DIP2C: variants seen among roughly 807,000 people sequenced by gnomAD.
DIP2C encodes the protein disco-interacting protein 2 homolog C.
In DIP2C, 33 loss-of-function variants were observed where a neutral mutation model predicts 192.4. That is an observed-to-expected ratio of 0.17 (90% CI 0.13 to 0.23). The LOEUF is 0.23. Ranked by LOEUF, DIP2C falls within the 10% of genes least tolerant of loss-of-function variation. DIP2C has a pLI of 1.00. For missense variants in DIP2C, 1,537 were observed against 2,110.1 expected, an observed-to-expected ratio of 0.73 and a Z score of 5.32; for synonymous variants, 979 against 864.1, an observed-to-expected ratio of 1.13 and a Z score of -2.33.
chr10:664,403 T>C (rs974183728), intron 1 of DIP2C: 3 of 152,232 alleles, frequency 2.0e-5, no homozygotes, highest in Non-Finnish European at 4.4e-5. Context: ...TGTTCTGTTA[T>C]CAGCAGTCCT....
intron 2 of DIP2C, among the ~76,000 whole-genome samples, chr10:475,178 G>A (rs991309313): frequency 1.3e-5 from 2 of 152,170 alleles, no homozygotes; most frequent in Non-Finnish European, 2.9e-5. Context: ...GGGAGGAGGA[G>A]GAAAAGCGGC....
intron 32 of DIP2C, among the ~76,000 whole-genome samples, chr10:308,019 AT>A (rs1448687426): frequency 8.2e-5 from 11 of 133,970 alleles, no homozygotes; most frequent in Middle Eastern, 5.2e-3. Flanking sequence ...CACATGGTCC[AT>A]CTGGAGGGCA....
chr10:597,107 A>AG (rs1332847783), intron 1 of DIP2C, among the ~76,000 whole-genome samples: 1 of 152,188 alleles, frequency 6.6e-6, no homozygotes, highest in African/African-American at 2.4e-5. Context: ...CCAGGGCTCC[A>AG]GGGCTCGAGT....
chr10:409,625 G>A (rs1024193303), intron 8 of DIP2C, among the ~76,000 whole-genome samples: 1 of 152,240 alleles, frequency 6.6e-6, no homozygotes, highest in South Asian at 2.1e-4. Context: ...CCGCAACGGT[G>A]TCACTGCCAC....
intron 1 of DIP2C, among the ~76,000 whole-genome samples, chr10:606,806 C>T (rs1035044216): frequency 6.6e-6 from 1 of 152,120 alleles, no homozygotes; most frequent in Admixed American, 6.5e-5. Context: ...AGGGAAGCTA[C>T]ACACGCACAT....
chr10:599,910 G>A (rs1851946797), intron 1 of DIP2C, among the ~76,000 whole-genome samples: 1 of 152,164 alleles, frequency 6.6e-6, no homozygotes, highest in Non-Finnish European at 1.5e-5. Flanking sequence ...GGGACAGGGG[G>A]AGCTCATCCA....
At chr10:498,667 G>A (rs1845023673) in intron 1 of DIP2C, among the ~76,000 whole-genome samples, 1 of 152,110 alleles carries the variant, frequency 6.6e-6, no homozygotes, top group African/African-American at 2.4e-5. Flanking sequence ...CAATGAAGAA[G>A]TCAGCTCACC....
At chr10:374,254 G>A (rs925415841) in intron 17 of DIP2C, among the ~76,000 whole-genome samples, 1 of 152,094 alleles carries the variant, frequency 6.6e-6, no homozygotes, top group Non-Finnish European at 1.5e-5. Flanking sequence ...TACATACCTA[G>A]AAAGAAAATG....
chr10:472,673 G>A (rs578234045), intron 2 of DIP2C, 124 bp from the exon 3 acceptor site: 110 of 828,676 alleles, frequency 1.3e-4, no homozygotes, highest in East Asian at 1.3e-3. Flanking sequence ...TGGGCATGGC[G>A]GCGCCTCAGA....
chr10:321,318 T>C (rs76252315), intron 31 of DIP2C, among the ~76,000 whole-genome samples: 2,739 of 152,316 alleles, frequency 0.018, 73 homozygotes, highest in African/African-American at 0.062. Flanking sequence ...ATAACACTCA[T>C]GAACTGTGCA....
chr10:670,066 G>A (rs1193632273), intron 1 of DIP2C, among the ~76,000 whole-genome samples: 2 of 152,158 alleles, frequency 1.3e-5, no homozygotes, highest in African/African-American at 4.8e-5. Flanking sequence ...AAAGGAAAAG[G>A]CATATCTGTG....
intron 10 of DIP2C, among the ~76,000 whole-genome samples, chr10:395,845 G>A (rs749880712): frequency 4.6e-5 from 7 of 152,182 alleles, no homozygotes; most frequent in Non-Finnish European, 8.8e-5. Context: ...TACAGTCACT[G>A]ACACGTAAGT....
intron 19 of DIP2C, among the ~76,000 whole-genome samples, chr10:365,352 A>G (rs1356048262): frequency 6.6e-6 from 1 of 152,180 alleles, no homozygotes; most frequent in Non-Finnish European, 1.5e-5. Context: ...GGACAACAGC[A>G]TGAGACCCCA....
At chr10:485,028 G>T in intron 2 of DIP2C, 2 of 1,469,760 alleles carry the variant, frequency 1.4e-6, no homozygotes, top group South Asian at 2.6e-5. Context: ...CAGAGCTGCC[G>T]ACCCCATGCA....
chr10:352,848 C>T (rs1436420063), intron 24 of DIP2C, among the ~76,000 whole-genome samples: 1 of 152,210 alleles, frequency 6.6e-6, no homozygotes, highest in Non-Finnish European at 1.5e-5. Flanking sequence ...ACACGTGACA[C>T]TGTTCCTCAG....
intron 24 of DIP2C, among the ~76,000 whole-genome samples, chr10:354,175 G>A (rs1340239441): frequency 6.6e-6 from 1 of 152,250 alleles, no homozygotes; most frequent in African/African-American, 2.4e-5. Flanking sequence ...CTCAGGCCAT[G>A]CCTTCCACAC....
At chr10:305,994 T>TATATATATATATATATATA (rs201950305) in intron 32 of DIP2C, among the ~76,000 whole-genome samples, 2 of 148,674 alleles carry the variant, frequency 1.3e-5, no homozygotes, top group Admixed American at 6.7e-5. Context: ...TATATATATA[T>TATATATATATATATATATA]TATATTTTTT....
rs1375973964 is a variant in DIP2C, at chr10:651,131, T to C, written c.85+38363A>G. 4 of 717,466 alleles carry C rather than the reference T, an allele frequency of 5.6e-6. No homozygotes were observed. Among genetic ancestry groups the C allele is most frequent in the South Asian group, 4.4e-5 (3 of 67,610 alleles). The allele number at this position is 717,466 out of a possible 1,614,324, so 44.4% of individuals were successfully genotyped here. A position where few individuals can be genotyped will look rare whatever the true frequency, so the allele number is the denominator to read the frequency against. ...GCCAGCTCTCGCCACACTCAGTCAA[T>C]GTCCACTGGGGGCCTCAGGGGCACC... On this transcript the variant is annotated intron_variant, in intron 1 of 36. Transcript: ENST00000280886. This position sits in a 1 kb window ranked among gnomAD's most constrained non-coding sequence, Gnocchi z 4.1.
At chr10:357,583 C>A (rs1959142774) in intron 23 of DIP2C, among the ~76,000 whole-genome samples, 1 of 152,186 alleles carries the variant, frequency 6.6e-6, no homozygotes, top group Non-Finnish European at 1.5e-5. Flanking sequence ...ATTATATGGT[C>A]TCTTGCAGGA....
Sources: allele counts gnomAD v4.1 joint callset (sites outside exome capture counted in the v4.1 genomes callset), GRCh38; gene constraint gnomAD v4.1.1; non-coding constraint Gnocchi (gnomAD v3.1); transcripts MANE v1.5; gene names NCBI Gene and HGNC (gene_info 2026-07-23, HGNC 2026-07-21).